The following DNM3 variants were observed in gnomAD, a reference collection of about 807,000 sequenced individuals.
The protein encoded by DNM3 is dynamin 3.
In DNM3, 47 loss-of-function variants were observed where a neutral mutation model predicts 101.6. The observed-to-expected ratio is 0.46, with a 90% confidence interval of 0.37 to 0.59. DNM3 has a LOEUF of 0.59. Among genes scored for constraint, DNM3 ranks in the 20% least tolerant of loss-of-function variants. The pLI is 0.00. For missense variants in DNM3, 849 were observed against 1,085.7 expected (o/e 0.78, Z 3.06); for synonymous variants, 385 against 387.9 (o/e 0.99, Z 0.09).
intron 2 of DNM3, among the ~76,000 whole-genome samples, chr1:171,958,003 C>A (rs1488977853): frequency 6.6e-6 from 1 of 152,170 alleles, no homozygotes; most frequent in African/African-American, 2.4e-5. Context: ...CTTCATTTTG[C>A]TGATAAAGAC....
At chr1:172,187,191 T>G (rs1328768046) in intron 14 of DNM3, among the ~76,000 whole-genome samples, 1 of 152,066 alleles carries the variant, frequency 6.6e-6, no homozygotes, top group Non-Finnish European at 1.5e-5. Flanking sequence ...CATCTGCCTT[T>G]TCCCACCAGC....
At chr1:171,858,991 C>T (rs925879390) in intron 1 of DNM3, among the ~76,000 whole-genome samples, 2 of 152,096 alleles carry the variant, frequency 1.3e-5, no homozygotes, top group Admixed American at 1.3e-4. Context: ...TTCACACAGC[C>T]ATAGCATAAT....
intron 1 of DNM3, among the ~76,000 whole-genome samples, chr1:171,889,998 C>T (rs192339775): frequency 2.5e-3 from 381 of 152,196 alleles, no homozygotes; most frequent in African/African-American, 8.6e-3. Flanking sequence ...CCAAGATTTA[C>T]CAGCCATATT....
intron 20 of DNM3, among the ~76,000 whole-genome samples, chr1:172,390,301 T>C (rs1481640081): frequency 6.6e-6 from 1 of 152,246 alleles, no homozygotes; most frequent in Non-Finnish European, 1.5e-5. Flanking sequence ...AAATAGGTTG[T>C]TATCCACATT....
chr1:172,003,949 G>A (rs543060278), intron 4 of DNM3, among the ~76,000 whole-genome samples: 96 of 152,146 alleles, frequency 6.3e-4, no homozygotes, highest in African/African-American at 1.8e-3. Flanking sequence ...TCTGCACCAA[G>A]CTTAGTGGTT....
At chr1:172,057,738 T>C (rs2125897919) in intron 10 of DNM3, among the ~76,000 whole-genome samples, 1 of 151,706 alleles carries the variant, frequency 6.6e-6, no homozygotes, top group South Asian at 2.1e-4. Flanking sequence ...CGCTGCAAAA[T>C]CATGCCAAAA....
intron 7 of DNM3, among the ~76,000 whole-genome samples, chr1:172,040,462 C>T (rs1572212712): frequency 1.3e-5 from 2 of 150,868 alleles, no homozygotes; most frequent in East Asian, 3.9e-4. Flanking sequence ...CTGGTAATCA[C>T]AAATGAAAAT....
rs371339134 is a variant in DNM3 at position 172,338,340 on chromosome 1, C to T, written c.1893+15000C>T. ...ACAAAAGCTATGACTATTTTCCTTCCGTTACCATTGAGGAGAATTTTTAAA... is the reference window on the plus strand; with the variant it reads ...ACAAAAGCTATGACTATTTTCCTTCTGTTACCATTGAGGAGAATTTTTAAA... On this transcript the variant is annotated intron_variant, in intron 17 of 20. Transcript: ENST00000627582. Among the ~76,000 whole-genome samples, 10 of 152,224 alleles carry T rather than the reference C, an allele frequency of 6.6e-5. No homozygotes were observed. The East Asian group carries it at 9.6e-4, about 15-fold the overall frequency.
intron 1 of DNM3, among the ~76,000 whole-genome samples, chr1:171,859,814 C>T (rs1369336538): frequency 6.6e-6 from 1 of 152,122 alleles, no homozygotes; most frequent in African/African-American, 2.4e-5. Context: ...GATCAGATGA[C>T]ATTTCAGCTG....
chr1:172,208,029 GA>G (rs968062658), intron 14 of DNM3, among the ~76,000 whole-genome samples: 16 of 148,910 alleles, frequency 1.1e-4, no homozygotes, highest in South Asian at 4.3e-4. Context: ...TGTAGAAAGT[GA>G]AAAAAAAAAT....
chr1:172,184,450 AT>A (rs1308805073), intron 14 of DNM3, among the ~76,000 whole-genome samples: 1 of 151,962 alleles, frequency 6.6e-6, no homozygotes, highest in African/African-American at 2.4e-5. Context: ...TTTGAAATTA[AT>A]TTTTTTTAGA....
intron 1 of DNM3, among the ~76,000 whole-genome samples, chr1:171,884,097 C>T (rs755042811): frequency 3.9e-5 from 6 of 152,126 alleles, no homozygotes; most frequent in Non-Finnish European, 8.8e-5. Context: ...TGTCTGGTTC[C>T]AGCCCTGACG....
intron 14 of DNM3, among the ~76,000 whole-genome samples, chr1:172,233,298 G>T (rs2061409235): frequency 6.6e-6 from 1 of 152,112 alleles, no homozygotes; most frequent in South Asian, 2.1e-4. Flanking sequence ...AGAAGAAATG[G>T]ATAAATTCCT....
At chr1:171,918,198 G>A (rs761457914) in intron 1 of DNM3, among the ~76,000 whole-genome samples, 14 of 152,176 alleles carry the variant, frequency 9.2e-5, no homozygotes, top group Non-Finnish European at 1.3e-4. Context: ...CTGTGGCTGT[G>A]TTATATCAAA....
chr1:172,195,657 C>A (rs2059920528), intron 14 of DNM3, among the ~76,000 whole-genome samples: 1 of 151,846 alleles, frequency 6.6e-6, no homozygotes, highest in African/African-American at 2.4e-5. Flanking sequence ...TGCTTTTCTT[C>A]TGCATCTATC....
At chr1:171,941,396 G>A (rs557689370) in intron 2 of DNM3, among the ~76,000 whole-genome samples, 1 of 152,260 alleles carries the variant, frequency 6.6e-6, no homozygotes, top group South Asian at 2.1e-4. Context: ...TACTATAATA[G>A]CAGAGTTACC....
intron 1 of DNM3, among the ~76,000 whole-genome samples, chr1:171,878,455 A>T (rs975813499): frequency 1.3e-5 from 2 of 152,012 alleles, no homozygotes; most frequent in Non-Finnish European, 2.9e-5. Context: ...TTCATAAAAA[A>T]TTATTGTAGC....
chr1:172,411,273 C>T lies in DNM3; in HGVS notation c.*3432C>T. 1.0e-6 allele frequency: 1 copy of T among 985,068 alleles called. No homozygotes were observed. Among genetic ancestry groups the T allele is most frequent in the Non-Finnish European group, 1.2e-6 (1 of 829,748 alleles). The allele number at this position is 985,068 out of a possible 1,614,324, so 61.0% of individuals were successfully genotyped here. ...ATGAGGTATACAAAATTTTCTAACT[C>T]CAGATTGTAGTCATTTTGAGAGGTA... On this transcript the variant is annotated 3_prime_UTR_variant, in exon 21 of 21. Transcript: ENST00000627582.
chr1:172,163,169 T>G (rs897951151), intron 14 of DNM3, among the ~76,000 whole-genome samples: 6 of 152,062 alleles, frequency 3.9e-5, no homozygotes, highest in Non-Finnish European at 8.8e-5. Context: ...TGTGTGTGTG[T>G]GCAGTGGGAA....
Sources: allele counts gnomAD v4.1 joint callset (sites outside exome capture counted in the v4.1 genomes callset), GRCh38; gene constraint gnomAD v4.1.1; transcripts MANE v1.5; gene names NCBI Gene and HGNC (gene_info 2026-07-23, HGNC 2026-07-21).